Variants in MRC2 observed in about 807,000 individuals in gnomAD.
MRC2 encodes C-type mannose receptor 2.
Under a neutral mutation model 206.2 loss-of-function variants are expected in MRC2, and 84 were observed. The observed-to-expected ratio is 0.41, with a 90% CI of 0.34 to 0.49. MRC2 has a LOEUF of 0.49. MRC2 is among the 20% of genes least tolerant of loss of function. MRC2 has a pLI of 0.31. For missense variants in MRC2, 1,676 were observed against 2,001.5 expected (o/e 0.84, Z 3.10); for synonymous variants, 798 against 800.0 (o/e 1.00, Z 0.04).
Position 62,680,110 on chromosome 17 carries a change from C to A in MRC2, c.2299-60C>A. On this transcript the variant is annotated intron_variant, in intron 14 of 29. Coordinates refer to ENST00000303375, the MANE Select transcript of MRC2 (RefSeq NM_006039.5). The surrounding 1 kb of genome is among the most constrained non-coding windows in gnomAD (Gnocchi z 4.8). The stretch of plus-strand genomic sequence containing the variant: ...AGGCCTCTTGTTCACCTGTTCCGGG[C>A]ATGGGGGCGGCCTGCACCTTGCGCC... 1 of 1,605,582 alleles carries A rather than the reference C, an allele frequency of 6.2e-7. No homozygotes were observed.
Position 62,680,622 on chromosome 17 carries a change from G to A in MRC2, c.2473+169G>A. On this transcript the variant is annotated intron_variant, in intron 16 of 29. Transcript: ENST00000303375. The surrounding 1 kb of genome is among the most constrained non-coding windows in gnomAD (Gnocchi z 4.8). ...CAGCCACAGCCCTGTTTGCTTCCGTGTGGGAGGCGAGGCAAGCCTGGGGCC... is the reference window on the plus strand; with the variant it reads ...CAGCCACAGCCCTGTTTGCTTCCGTATGGGAGGCGAGGCAAGCCTGGGGCC... 7.9e-7 allele frequency: 1 copy of A among 1,266,244 alleles called. No individual in the cohort carries two copies. The highest frequency in any genetic ancestry group is 1.1e-6 in the Non-Finnish European group (1 of 932,550). The allele number at this position is 1,266,244 out of a possible 1,614,324, so 78.4% of individuals were successfully genotyped here.
intron 1 of MRC2, chr17:62,661,550 CTTT>C (rs2088681029): frequency 7.1e-6 from 1 of 139,896 alleles, no homozygotes; most frequent in African/African-American, 2.8e-5. Context: ...CTTTCTTTCT[CTTT>C]CTTTCTTTCT....
chr17:62,675,990 C>T lies in MRC2; in HGVS notation c.1685+85C>T, dbSNP rs553134262. On this transcript the variant is annotated intron_variant, in intron 10 of 29. Transcript: ENST00000303375. This position sits in a 1 kb window ranked among gnomAD's most constrained non-coding sequence, Gnocchi z 4.1. ...CTTCAGCAAACAGGGTAGCATCTGCCATCATGCCCAGAGGGACCTGGAGTC... is the reference window on the plus strand; with the variant it reads ...CTTCAGCAAACAGGGTAGCATCTGCTATCATGCCCAGAGGGACCTGGAGTC... The T allele has an allele frequency of 3.6e-4, 416 of 1,143,130 alleles. No homozygotes were observed. Among genetic ancestry groups the T allele is most frequent in the Non-Finnish European group, 1.9e-5 (15 of 770,276 alleles). 70.8% of individuals were successfully genotyped at this position (1,143,130 alleles called of 1,614,324 possible). A position where few individuals can be genotyped will look rare whatever the true frequency, so the allele number is the denominator to read the frequency against.
chr17:62,649,317 G>T (rs375796138), intron 1 of MRC2, among the ~76,000 whole-genome samples: 2 of 152,212 alleles, frequency 1.3e-5, no homozygotes, highest in Non-Finnish European at 2.9e-5. Context: ...CCATTTGGGC[G>T]CAGTGGCTCA....
chr17:62,686,895 A>AT (rs1245075246), intron 20 of MRC2, among the ~76,000 whole-genome samples: 1 of 152,144 alleles, frequency 6.6e-6, no homozygotes, highest in Non-Finnish European at 1.5e-5. Flanking sequence ...TGGGCTTACA[A>AT]TTTTTTACCC....
rs2088720289 is a variant in MRC2, at chr17:62,664,406, T to A, written c.119-142T>A. 1.0e-6 allele frequency: 1 copy of A among 958,986 alleles called. No homozygotes were observed. The highest frequency in any genetic ancestry group is 1.6e-6 in the Non-Finnish European group (1 of 639,186). 59.4% of individuals were successfully genotyped at this position (958,986 alleles called of 1,614,324 possible). A position where few individuals can be genotyped will look rare whatever the true frequency, so the allele number is the denominator to read the frequency against. ...CATTTCCACCTCAGAGGGTTGGTAG[T>A]GAGTACCGAGTGATTTAACGTATGA... On this transcript the variant is annotated intron_variant, in intron 1 of 29. Transcript: ENST00000303375. This position sits in a 1 kb window ranked among gnomAD's most constrained non-coding sequence, Gnocchi z 4.7.
At chr17:62,689,439 T>C (rs2089074263) in intron 23 of MRC2, 83 bp from the exon 24 acceptor site, 2 of 904,254 alleles carry the variant, frequency 2.2e-6, no homozygotes, top group Non-Finnish European at 3.4e-6. Context: ...CTTTGCCTGG[T>C]GTGCGGCCTT....
In MRC2 at chr17:62,666,152, T is replaced by C. The variant is rs1444183193; in HGVS notation, c.579T>C (p.Tyr193=). ...HGKPCTIPFK[Y]DNQWFHGCTS... ...AGCCGTGCACCATCCCCTTCAAATA[T>C]GACAACCAGTGGTTCCACGGCTGCA... The change falls in exon 3 of 30, where the codon TAT becomes TAC. Residue 193 remains tyrosine, a synonymous_variant. Coordinates refer to ENST00000303375, the MANE Select transcript of MRC2 (RefSeq NM_006039.5). This position sits in a 1 kb window ranked among gnomAD's most constrained non-coding sequence, Gnocchi z 5.0. 2 of 1,599,350 alleles carry C rather than the reference T, an allele frequency of 1.3e-6. No individual in the cohort carries two copies. The highest frequency in any genetic ancestry group is 1.3e-5 in the African/African-American group (1 of 74,762).
chr17:62,688,698 C>T (rs758897619), intron 22 of MRC2, 34 bp downstream of exon 22: 27 of 1,608,606 alleles, frequency 1.7e-5, no homozygotes, highest in Non-Finnish European at 2.0e-5. Flanking sequence ...CTCCGCACCG[C>T]GCTGCCCTAA....
rs750625795 is a variant in MRC2, at chr17:62,671,721, A to G, written c.1190A>G (p.Gln397Arg). ...QPFQGHCYRLQAEKRSWQESK... is the reference protein window; with the variant it reads ...QPFQGHCYRLRAEKRSWQESK... ...TTCCAGGGCCACTGCTACCGCCTGCAGGCCGAGAAGCGCAGCTGGCAGGAG... is the reference window on the plus strand; with the variant it reads ...TTCCAGGGCCACTGCTACCGCCTGCGGGCCGAGAAGCGCAGCTGGCAGGAG... The change falls in exon 7 of 30, where the codon CAG becomes CGG. Residue 397 changes from glutamine (Q) to arginine (R), a missense_variant. Gln to Arg is a conservative substitution (Grantham distance 43). This residue lies in a region of MRC2 where 1,354 missense variants were observed against 1,636.6 expected (regional missense o/e 0.83). Transcript: ENST00000303375. This position sits in a 1 kb window ranked among gnomAD's most constrained non-coding sequence, Gnocchi z 4.5. 6.2e-7 allele frequency: 1 copy of G among 1,612,820 alleles called. No individual in the cohort carries two copies. Among genetic ancestry groups the G allele is most frequent in the Admixed American group, 1.7e-5 (1 of 59,950 alleles).
In MRC2 at chr17:62,667,461, C is replaced by G; in HGVS notation, c.1045C>G (p.Arg349Gly). Residue 349 changes from arginine to glycine, a missense_variant, in exon 6 of 30, where the codon CGT (arginine) becomes GGT (glycine). By Grantham distance (125) the Arg-to-Gly change is moderately radical. Transcript: ENST00000303375. This position sits in a 1 kb window ranked among gnomAD's most constrained non-coding sequence, Gnocchi z 4.1. ...TGAGTCCTCGGGCGGCTGGCAGAAC[C>G]GTGACTGCAGCATCGCGCTGCCCTA... The part of the protein sequence containing the change: ...RTESSGGWQN[R>G]DCSIALPYVC... 1 of 1,612,770 alleles carries G rather than the reference C, an allele frequency of 6.2e-7. No homozygotes were observed. The highest frequency in any genetic ancestry group is 8.5e-7 in the Non-Finnish European group (1 of 1,179,766).
At chr17:62,631,918 T>G (rs1369012610) in intron 1 of MRC2, among the ~76,000 whole-genome samples, 1 of 152,140 alleles carries the variant, frequency 6.6e-6, no homozygotes, top group Non-Finnish European at 1.5e-5. Context: ...CATGGCCTAT[T>G]CTTTATTTGA....
At chr17:62,676,691 C>CCAAA (rs1211603236) in intron 11 of MRC2, 160 bp downstream of exon 11, 1 of 782,340 alleles carries the variant, frequency 1.3e-6, no homozygotes, top group African/African-American at 1.8e-5. Context: ...CTGCCTGGCT[C>CCAAA]CGATCATGAC....
chr17:62,662,491 A>G (rs1224130397), intron 1 of MRC2, among the ~76,000 whole-genome samples: 1 of 152,200 alleles, frequency 6.6e-6, no homozygotes, highest in Non-Finnish European at 1.5e-5. Context: ...ACTGTGCCAG[A>G]TCCTGTTCCA....
In MRC2 at chr17:62,629,726, G is replaced by A. The variant is rs146780864; in HGVS notation, c.118+1806G>A. Among the ~76,000 whole-genome samples, 24 of 152,338 alleles carry A rather than the reference G, an allele frequency of 1.6e-4. No individual in the cohort carries two copies. In the East Asian group the frequency reaches 4.2e-3, roughly 27 times the overall value. The stretch of plus-strand genomic sequence containing the variant: ...AGCCTCTGGGCCGAATTCCTTGCCC[G>A]AAGAGCTGGCAGCCCCTAGTACCTG... On this transcript the variant is annotated intron_variant, in intron 1 of 29. Coordinates refer to ENST00000303375, the MANE Select transcript of MRC2 (RefSeq NM_006039.5).
Position 62,676,534 on chromosome 17 carries a change from G to T in MRC2, c.1834+3G>T. 6.3e-7 allele frequency: 1 copy of T among 1,581,018 alleles called. No individual in the cohort carries two copies. Among genetic ancestry groups the T allele is most frequent in the Non-Finnish European group, 8.6e-7 (1 of 1,163,678 alleles). ...CCACTGGAACCGGGACCAGCCCGGT[G>T]AGCCCCTTATTTGACTTGCCTTGGT... On this transcript the variant is annotated splice_donor_region_variant and intron_variant, in intron 11 of 29. Coordinates refer to ENST00000303375, the MANE Select transcript of MRC2 (RefSeq NM_006039.5).
intron 12 of MRC2, 130 bp from the exon 13 acceptor site, chr17:62,678,374 T>C (rs2147479502): frequency 7.8e-7 from 1 of 1,276,158 alleles, no homozygotes; most frequent in Non-Finnish European, 1.1e-6. Flanking sequence ...AGGATTGTCC[T>C]TAGCTAGCCT....
intron 1 of MRC2, among the ~76,000 whole-genome samples, chr17:62,644,818 A>C (rs1459369741): frequency 6.6e-6 from 1 of 151,962 alleles, no homozygotes; most frequent in Admixed American, 6.6e-5. Flanking sequence ...TCAGCCTCCG[A>C]GATTCTGCGG....
rs60774612 is a variant in MRC2, at chr17:62,636,461, ATTTTTTTTTTTTT to A, written c.118+8554_118+8566del. Among the ~76,000 whole-genome samples, 4 of 76,934 alleles carry A rather than the reference ATTTTTTTTTTTTT, an allele frequency of 5.2e-5. No homozygotes were observed. The South Asian group carries it at 2.2e-3, about 43-fold the overall frequency. 50.5% of individuals were successfully genotyped at this position (76,934 alleles called of 152,430 possible). On this transcript the variant is annotated intron_variant, in intron 1 of 29. Coordinates refer to ENST00000303375, the MANE Select transcript of MRC2 (RefSeq NM_006039.5). ...TAGTAGTTCATTGGGTAATCTTCTG[ATTTTTTTTTTTTT>A]TTTTTTTTTTTTGAGACGGAGTCTC...
Sources: allele counts gnomAD v4.1 joint callset (sites outside exome capture counted in the v4.1 genomes callset), GRCh38; gene constraint gnomAD v4.1.1; regional missense constraint gnomAD v4.1.1; non-coding constraint Gnocchi (gnomAD v3.1); transcripts MANE v1.5; gene names NCBI Gene and HGNC (gene_info 2026-07-23, HGNC 2026-07-21).